PLCB1: variants seen among roughly 807,000 people sequenced by gnomAD.
PLCB1 encodes the protein 1-phosphatidylinositol 4,5-bisphosphate phosphodiesterase beta-1.
Under a neutral mutation model 161.8 loss-of-function variants are expected in PLCB1, and 46 were observed. The ratio of observed to expected loss-of-function variants is 0.28; its 90% confidence interval spans 0.22 to 0.36. The LOEUF (loss-of-function observed/expected upper bound fraction) is 0.36. Among genes scored for constraint, PLCB1 ranks in the 10% least tolerant of loss-of-function variants. The probability of loss-of-function intolerance (pLI) is 1.00; values close to 1 mark genes in which losing one functional copy is unlikely to be tolerated. For missense variants in PLCB1, 1,016 were observed against 1,472.5 expected (o/e 0.69, Z 5.07); for synonymous variants, 517 against 503.7 (o/e 1.03, Z -0.35).
intron 3 of PLCB1, among the ~76,000 whole-genome samples, chr20:8,512,999 G>A (rs756591391): frequency 2.0e-5 from 3 of 151,952 alleles, no homozygotes; most frequent in Non-Finnish European, 2.9e-5. Context: ...CTACCTCTAC[G>A]AGTTCGAATT....
At chr20:8,450,687 T>A (rs1482860418) in intron 3 of PLCB1, among the ~76,000 whole-genome samples, 1 of 152,234 alleles carries the variant, frequency 6.6e-6, no homozygotes, top group South Asian at 2.1e-4. Flanking sequence ...GACTCTGTAC[T>A]TAGCGAGGCA....
chr20:8,830,974 C>T (rs2146277092), intron 31 of PLCB1, among the ~76,000 whole-genome samples: 1 of 152,264 alleles, frequency 6.6e-6, no homozygotes, highest in East Asian at 1.9e-4. Context: ...TTCATTGGCC[C>T]CCGCATCTCT....
chr20:8,363,951 G>C (rs1986624592), intron 2 of PLCB1, among the ~76,000 whole-genome samples: 1 of 152,096 alleles, frequency 6.6e-6, no homozygotes, highest in South Asian at 2.1e-4. Flanking sequence ...TGGTATGCTG[G>C]TTCTCCATTA....
chr20:8,471,177 T>A (rs897063684), intron 3 of PLCB1, among the ~76,000 whole-genome samples: 1 of 152,170 alleles, frequency 6.6e-6, no homozygotes, highest in African/African-American at 2.4e-5. Context: ...ATAGGTTTTA[T>A]ATCAAAAAGG....
intron 23 of PLCB1, among the ~76,000 whole-genome samples, chr20:8,754,617 C>T (rs941102369): frequency 6.6e-6 from 1 of 152,188 alleles, no homozygotes; most frequent in Non-Finnish European, 1.5e-5. Flanking sequence ...GGACATCTTC[C>T]TACCTGCTTT....
chr20:8,745,738 A>G (rs955013703), intron 23 of PLCB1, among the ~76,000 whole-genome samples: 1 of 152,170 alleles, frequency 6.6e-6, no homozygotes, highest in Non-Finnish European at 1.5e-5. Flanking sequence ...TAGATTAGTC[A>G]AGTTGTAGAG....
rs575161474 is a variant in PLCB1, at chr20:8,179,978, C to T, written c.177+29607C>T. 3.1e-4 allele frequency among the ~76,000 whole-genome samples: 47 copies of T among 149,602 alleles called. 1 individual carries two copies. Among genetic ancestry groups the T allele is most frequent in the African/African-American group, 1.1e-3 (46 of 40,318 alleles). On this transcript the variant is annotated intron_variant, in intron 2 of 31. Coordinates refer to ENST00000338037, the MANE Select transcript of PLCB1 (RefSeq NM_015192.4). ...GGTTCGCACCATTCTCCTGCCTCAGCCTCCCAAGTAGCTGGGACTACAGGT... is the reference window on the plus strand; with the variant it reads ...GGTTCGCACCATTCTCCTGCCTCAGTCTCCCAAGTAGCTGGGACTACAGGT...
intron 3 of PLCB1, among the ~76,000 whole-genome samples, chr20:8,605,307 G>A (rs1269496393): frequency 1.3e-5 from 2 of 151,544 alleles, no homozygotes; most frequent in African/African-American, 2.4e-5. Context: ...TTTTCTTAAC[G>A]AGAAATATTC....
chr20:8,687,371 G>T (rs982840649), intron 10 of PLCB1, among the ~76,000 whole-genome samples: 6 of 152,020 alleles, frequency 3.9e-5, no homozygotes, highest in Non-Finnish European at 8.8e-5. Context: ...AGTTATAAGG[G>T]TATAGGTGGT....
intron 3 of PLCB1, among the ~76,000 whole-genome samples, chr20:8,584,052 G>T (rs562679619): frequency 2.7e-4 from 41 of 152,096 alleles, no homozygotes; most frequent in Non-Finnish European, 5.6e-4. Context: ...AGAGAAAAAC[G>T]ATATTGGTTT....
At chr20:8,355,871 C>T (rs182700309) in intron 2 of PLCB1, among the ~76,000 whole-genome samples, 15 of 152,214 alleles carry the variant, frequency 9.9e-5, no homozygotes, top group East Asian at 9.6e-4. Flanking sequence ...ATAAAGCATT[C>T]GGGAATGCTT....
At chr20:8,747,788 A>G (rs1290479413) in intron 23 of PLCB1, among the ~76,000 whole-genome samples, 1 of 152,132 alleles carries the variant, frequency 6.6e-6, no homozygotes, top group East Asian at 1.9e-4. Context: ...ATAAAATAAA[A>G]TAAAATAATT....
intron 2 of PLCB1, among the ~76,000 whole-genome samples, chr20:8,182,884 C>T (rs905699762): frequency 4.8e-4 from 73 of 152,160 alleles, no homozygotes; most frequent in African/African-American, 1.4e-3. Context: ...CCTGGCTGCA[C>T]AGTTGATTAT....
intron 7 of PLCB1, among the ~76,000 whole-genome samples, chr20:8,655,380 G>A (rs1989431065): frequency 6.6e-6 from 1 of 152,064 alleles, no homozygotes; most frequent in Admixed American, 6.6e-5. Context: ...GCCATTAACA[G>A]ACAAGACACA....
At chr20:8,338,542 G>A (rs1003838491) in intron 2 of PLCB1, among the ~76,000 whole-genome samples, 2 of 152,110 alleles carry the variant, frequency 1.3e-5, no homozygotes, top group East Asian at 3.8e-4. Flanking sequence ...GAACAAAGAT[G>A]AACTTAAAAG....
chr20:8,661,966 TTTA>T (rs1308783548), intron 9 of PLCB1, among the ~76,000 whole-genome samples: 70 of 125,166 alleles, frequency 5.6e-4, no homozygotes, highest in Non-Finnish European at 8.3e-4. Flanking sequence ...TATATAATTA[TTTA>T]TTATATAATT....
chr20:8,305,061 G>A (rs1018266648), intron 2 of PLCB1, among the ~76,000 whole-genome samples: 2 of 152,188 alleles, frequency 1.3e-5, no homozygotes, highest in Non-Finnish European at 1.5e-5. Context: ...TGAACAGTCA[G>A]CAATCATTGT....
chr20:8,569,412 T>G (rs1319820814), intron 3 of PLCB1, among the ~76,000 whole-genome samples: 1 of 152,208 alleles, frequency 6.6e-6, no homozygotes, highest in Non-Finnish European at 1.5e-5. Flanking sequence ...AATTATCAAA[T>G]TTTTATAAAA....
intron 2 of PLCB1, among the ~76,000 whole-genome samples, chr20:8,279,626 T>TA (rs1375363993): frequency 1.3e-5 from 2 of 152,080 alleles, no homozygotes; most frequent in South Asian, 2.1e-4. Context: ...TTTACCATAA[T>TA]AAAAAAACAA....
Sources: gnomAD v4.1 joint callset for allele counts (sites outside exome capture counted in the v4.1 genomes callset) on GRCh38, gnomAD v4.1.1 for gene constraint, MANE v1.5 for transcripts, NCBI Gene and HGNC (gene_info 2026-07-23, HGNC 2026-07-21) for gene names.